Variants in ALK observed in about 807,000 individuals in gnomAD.
The protein encoded by ALK is ALK receptor tyrosine kinase, also known as ALK tyrosine kinase receptor.
A neutral mutation model predicts 163.1 loss-of-function variants in ALK; 74 were observed. The observed-to-expected ratio is 0.45, with a 90% confidence interval of 0.38 to 0.55. The LOEUF is 0.55. Among genes scored for constraint, ALK ranks in the 20% least tolerant of loss-of-function variants. ALK has a pLI of 0.00. For missense variants in ALK, 2,063 were observed against 2,105.3 expected, an observed-to-expected ratio of 0.98 and a Z score of 0.39; for synonymous variants, 960 against 843.2, an observed-to-expected ratio of 1.14 and a Z score of -2.40.
At chr2:29,631,572 T>C (rs1412066183) in intron 3 of ALK, among the ~76,000 whole-genome samples, 2 of 152,230 alleles carry the variant, frequency 1.3e-5, no homozygotes, top group Non-Finnish European at 2.9e-5. Context: ...TGTAGGATCT[T>C]AGTGAATTAG....
chr2:29,479,618 C>A (rs1447747439), intron 4 of ALK, among the ~76,000 whole-genome samples: 1 of 152,190 alleles, frequency 6.6e-6, no homozygotes, highest in East Asian at 1.9e-4. Flanking sequence ...AAAGTGTTTG[C>A]ATTTTCTTCA....
At chr2:29,336,932 G>A (rs1667631794) in intron 5 of ALK, among the ~76,000 whole-genome samples, 1 of 152,108 alleles carries the variant, frequency 6.6e-6, no homozygotes, top group Non-Finnish European at 1.5e-5. Flanking sequence ...TTAAAGTGAG[G>A]GGAGACGACA....
intron 11 of ALK, among the ~76,000 whole-genome samples, chr2:29,259,924 G>GA (rs1224807221): frequency 1.3e-5 from 2 of 151,490 alleles, no homozygotes; most frequent in African/African-American, 4.8e-5. Flanking sequence ...AAAATAAAAA[G>GA]AAAAAAATAC....
intron 4 of ALK, among the ~76,000 whole-genome samples, chr2:29,504,636 C>T (rs1329455341): frequency 1.3e-5 from 2 of 151,920 alleles, no homozygotes; most frequent in African/African-American, 2.4e-5. Context: ...GAGGAAGAAT[C>T]GCAGCCTTGG....
intron 1 of ALK, among the ~76,000 whole-genome samples, chr2:29,873,942 T>A (rs1347342294): frequency 6.6e-6 from 1 of 152,158 alleles, no homozygotes; most frequent in African/African-American, 2.4e-5. Flanking sequence ...GGAACCTGGT[T>A]TGTACTGGAA....
intron 9 of ALK, among the ~76,000 whole-genome samples, chr2:29,276,288 TA>T (rs1480108161): frequency 6.6e-6 from 1 of 152,134 alleles, no homozygotes; most frequent in East Asian, 1.9e-4. Context: ...ACAAACCCAT[TA>T]AGATATTGTT....
chr2:29,737,957 A>AAG (rs1679942230), intron 1 of ALK, among the ~76,000 whole-genome samples: 1 of 152,192 alleles, frequency 6.6e-6, no homozygotes, highest in East Asian at 1.9e-4. Context: ...CAACAGGCAC[A>AAG]AGAGAGAGCA....
At chr2:29,716,971 T>A (rs1324310195) in intron 2 of ALK, among the ~76,000 whole-genome samples, 1 of 112,556 alleles carries the variant, frequency 8.9e-6, no homozygotes, top group African/African-American at 3.6e-5. Context: ...AGTAACACAG[T>A]CAAACCCCGT....
intron 26 of ALK, among the ~76,000 whole-genome samples, chr2:29,204,941 T>C (rs1187262755): frequency 1.3e-5 from 2 of 152,094 alleles, no homozygotes; most frequent in Middle Eastern, 3.4e-3. Context: ...GAGGTCGTTA[T>C]TTGTCAGGTC....
intron 1 of ALK, among the ~76,000 whole-genome samples, chr2:29,793,787 T>A (rs1453773283): frequency 2.0e-5 from 3 of 152,200 alleles, no homozygotes; most frequent in Non-Finnish European, 2.9e-5. Context: ...AATATTCAGT[T>A]TACATGGTTT....
At chr2:29,251,306 G>T (rs773807494) in intron 11 of ALK, 39 bp from the exon 12 acceptor site, 1 of 1,599,586 alleles carries the variant, frequency 6.3e-7, no homozygotes. Context: ...CATGTGGCCA[G>T]GCCCTCCCTC....
At chr2:29,328,269 C>G in intron 6 of ALK, 81 bp downstream of exon 6, 2 of 1,606,584 alleles carry the variant, frequency 1.2e-6, no homozygotes, top group Non-Finnish European at 1.7e-6. Context: ...TGTCCATGCT[C>G]TCATGCCTGG....
intron 3 of ALK, among the ~76,000 whole-genome samples, chr2:29,626,291 G>C (rs1344851673): frequency 2.6e-5 from 4 of 152,136 alleles, no homozygotes; most frequent in African/African-American, 7.2e-5. Flanking sequence ...GTCAAGGGTG[G>C]GGCCAGGTGG....
chr2:29,789,892 G>C (rs1268923700), intron 1 of ALK, among the ~76,000 whole-genome samples: 1 of 152,158 alleles, frequency 6.6e-6, no homozygotes, highest in Non-Finnish European at 1.5e-5. Flanking sequence ...GCCCCTCCAG[G>C]CCTCAGTTTC....
Position 29,513,100 on chromosome 2 carries a change from G to C in ALK, c.1154+18815C>G, listed in dbSNP as rs865940950. ...CAAGGTAATTTATAGATTCAATGCC[G>C]TCCCCATCAAGCTACCAATGACTTT... is the stretch of plus-strand genomic sequence containing the variant. On this transcript the variant is annotated intron_variant, in intron 4 of 28. Coordinates refer to ENST00000389048, the MANE Select transcript of ALK (RefSeq NM_004304.5). Among the ~76,000 whole-genome samples, 91 of 150,264 alleles carry C rather than the reference G, an allele frequency of 6.1e-4. No homozygotes were observed. The South Asian group carries it at 6.3e-3, about 10-fold the overall frequency.
At chr2:29,249,772 C>T (rs961741964) in intron 12 of ALK, among the ~76,000 whole-genome samples, 1 of 152,186 alleles carries the variant, frequency 6.6e-6, no homozygotes, top group African/African-American at 2.4e-5. Context: ...CCCACGGAGG[C>T]TTGGCTCAGC....
chr2:29,646,245 T>A lies in ALK; in HGVS notation c.952+48605A>T, dbSNP rs199672008. Among the ~76,000 whole-genome samples, 6 of 152,166 alleles carry A rather than the reference T, an allele frequency of 3.9e-5. No homozygotes were observed. In the East Asian group the frequency reaches 1.2e-3, roughly 29 times the overall value. ...GCCAAAACCATTGAAGTCACTCTTG[T>A]TTCCTCTCTTTCTCTCACATTCTAT... On this transcript the variant is annotated intron_variant, in intron 3 of 28. Transcript: ENST00000389048.
intron 1 of ALK, among the ~76,000 whole-genome samples, chr2:29,757,235 C>T (rs185550212): frequency 8.4e-4 from 128 of 152,286 alleles, no homozygotes; most frequent in African/African-American, 1.9e-3. Flanking sequence ...AAAAGCCAGA[C>T]GGGCATCTTG....
At chr2:29,441,578 T>A (rs1350095796) in intron 4 of ALK, among the ~76,000 whole-genome samples, 1 of 152,208 alleles carries the variant, frequency 6.6e-6, no homozygotes, top group Non-Finnish European at 1.5e-5. Context: ...ATGGCTATTT[T>A]TCAATTGATC....
Sources: allele counts gnomAD v4.1 joint callset (sites outside exome capture counted in the v4.1 genomes callset), GRCh38; gene constraint gnomAD v4.1.1; transcripts MANE v1.5; gene names NCBI Gene and HGNC (gene_info 2026-07-23, HGNC 2026-07-21).